Variants in ZMAT4 observed in about 807,000 individuals in gnomAD.
The protein encoded by ZMAT4 is zinc finger matrin-type 4.
A neutral mutation model predicts 28.7 loss-of-function variants in ZMAT4; 17 were observed. The observed-to-expected ratio is 0.59, with a 90% CI of 0.41 to 0.89. ZMAT4 has a LOEUF of 0.89. Ranked by LOEUF, ZMAT4 falls within the 40% of genes least tolerant of loss-of-function variation. ZMAT4 has a pLI of 0.00. For missense variants in ZMAT4, 240 were observed against 283.8 expected (o/e 0.85, Z 1.11); for synonymous variants, 117 against 109.2 (o/e 1.07, Z -0.44).
chr8:40,763,325 G>A (rs180697592), intron 3 of ZMAT4, among the ~76,000 whole-genome samples: 510 of 148,602 alleles, frequency 3.4e-3, no homozygotes, highest in Non-Finnish European at 4.5e-3. Context: ...TACTTTTCCA[G>A]CCATGTCTCT....
intron 1 of ZMAT4, among the ~76,000 whole-genome samples, chr8:40,896,102 A>G (rs563577538): frequency 7.9e-5 from 12 of 152,208 alleles, no homozygotes; most frequent in Non-Finnish European, 1.2e-4. Context: ...TTTTTTAACC[A>G]TTGTGAATAG....
At chr8:40,571,034 A>G (rs1437402930) in intron 6 of ZMAT4, among the ~76,000 whole-genome samples, 1 of 152,164 alleles carries the variant, frequency 6.6e-6, no homozygotes. Context: ...TTAAATCATC[A>G]GCTCGGAACC....
intron 1 of ZMAT4, among the ~76,000 whole-genome samples, chr8:40,834,259 T>C (rs1243475858): frequency 1.3e-5 from 2 of 152,130 alleles, no homozygotes; most frequent in African/African-American, 4.8e-5. Context: ...GGCGGTTCTC[T>C]GGTCCAACCT....
At chr8:40,643,783 T>G (rs1473673426) in intron 5 of ZMAT4, among the ~76,000 whole-genome samples, 12 of 50,626 alleles carry the variant, frequency 2.4e-4, no homozygotes, top group Admixed American at 1.3e-3. Flanking sequence ...TGTGTTTGTG[T>G]GTGTGCAAAA....
intron 1 of ZMAT4, among the ~76,000 whole-genome samples, chr8:40,849,254 C>T (rs1010876009): frequency 6.6e-6 from 1 of 152,234 alleles, no homozygotes; most frequent in African/African-American, 2.4e-5. Context: ...TCTCAACACA[C>T]AATTGCCCTG....
At chr8:40,618,999 G>A (rs1338722941) in intron 5 of ZMAT4, among the ~76,000 whole-genome samples, 1 of 152,236 alleles carries the variant, frequency 6.6e-6, no homozygotes, top group East Asian at 1.9e-4. Flanking sequence ...AACTCTGGGA[G>A]CGAGTGTAAA....
chr8:40,735,455 C>T (rs182605439), intron 3 of ZMAT4, among the ~76,000 whole-genome samples: 233 of 152,226 alleles, frequency 1.5e-3, no homozygotes, highest in African/African-American at 5.5e-3. Flanking sequence ...GAGTCATAGT[C>T]AGTTATCTGA....
At chr8:40,840,825 A>G (rs555236921) in intron 1 of ZMAT4, among the ~76,000 whole-genome samples, 5 of 152,216 alleles carry the variant, frequency 3.3e-5, no homozygotes, top group Non-Finnish European at 5.9e-5. Flanking sequence ...ATGTAGTTAC[A>G]GTTACTATAG....
chr8:40,866,313 G>T (rs998601502), intron 1 of ZMAT4, among the ~76,000 whole-genome samples: 3 of 152,180 alleles, frequency 2.0e-5, no homozygotes, highest in Non-Finnish European at 4.4e-5. Flanking sequence ...GGTGCCCCAG[G>T]GCTGGCACTG....
chr8:40,686,457 C>G (rs1258666636), intron 4 of ZMAT4, among the ~76,000 whole-genome samples: 1 of 151,666 alleles, frequency 6.6e-6, no homozygotes, highest in Non-Finnish European at 1.5e-5. Context: ...AGAGTGAGAC[C>G]CCTGTCTCAA....
At chr8:40,741,490 C>T (rs181850881) in intron 3 of ZMAT4, among the ~76,000 whole-genome samples, 203 of 151,112 alleles carry the variant, frequency 1.3e-3, no homozygotes, top group African/African-American at 4.6e-3. Context: ...GATGATCTTG[C>T]TAGTGATTAA....
intron 3 of ZMAT4, among the ~76,000 whole-genome samples, chr8:40,718,977 G>T (rs779510233): frequency 2.0e-5 from 3 of 152,160 alleles, no homozygotes; most frequent in Non-Finnish European, 4.4e-5. Context: ...GAAATGAGAG[G>T]AAACTAAATG....
chr8:40,851,943 C>T (rs1168826456), intron 1 of ZMAT4, among the ~76,000 whole-genome samples: 1 of 152,138 alleles, frequency 6.6e-6, no homozygotes, highest in African/African-American at 2.4e-5. Flanking sequence ...GTTGCCCAGG[C>T]TGGAGTGGAG....
intron 5 of ZMAT4, among the ~76,000 whole-genome samples, chr8:40,665,476 C>T (rs933342135): frequency 6.6e-6 from 1 of 152,126 alleles, no homozygotes; most frequent in Non-Finnish European, 1.5e-5. Context: ...AACTTTGCCT[C>T]TCTCACCCAG....
At chr8:40,783,163 T>G (rs557375388) in intron 2 of ZMAT4, among the ~76,000 whole-genome samples, 27 of 152,340 alleles carry the variant, frequency 1.8e-4, no homozygotes, top group Admixed American at 9.1e-4. Context: ...CATATATCCA[T>G]CAACTGATGA....
chr8:40,873,276 C>T (rs1817926844), intron 1 of ZMAT4, among the ~76,000 whole-genome samples: 1 of 152,154 alleles, frequency 6.6e-6, no homozygotes, highest in Non-Finnish European at 1.5e-5. Flanking sequence ...TTTCTGGCTA[C>T]AAAAATGCCC....
chr8:40,684,061 G>A (rs550776712), intron 4 of ZMAT4, among the ~76,000 whole-genome samples: 2 of 149,806 alleles, frequency 1.3e-5, no homozygotes, highest in South Asian at 4.2e-4. Context: ...AGGAGATCCC[G>A]TCTTAGAAAA....
chr8:40,593,958 G>A (rs1200214530), intron 5 of ZMAT4, among the ~76,000 whole-genome samples: 1 of 152,166 alleles, frequency 6.6e-6, no homozygotes, highest in Non-Finnish European at 1.5e-5. Flanking sequence ...CTGGTTGTCT[G>A]CTGCATCTCT....
At chr8:40,541,156 G>T (rs1803015313) in intron 6 of ZMAT4, among the ~76,000 whole-genome samples, 1 of 152,066 alleles carries the variant, frequency 6.6e-6, no homozygotes, top group African/African-American at 2.4e-5. Context: ...AAATAAATGT[G>T]ATCTATTATT....
Sources: gnomAD v4.1 joint callset for allele counts (sites outside exome capture counted in the v4.1 genomes callset) on GRCh38, gnomAD v4.1.1 for gene constraint, MANE v1.5 for transcripts, NCBI Gene and HGNC (gene_info 2026-07-23, HGNC 2026-07-21) for gene names.